LANCL2: variants seen among roughly 807,000 people sequenced by gnomAD.
LANCL2 encodes the protein LanC like glutathione S-transferase 2.
A neutral mutation model predicts 56.9 loss-of-function variants in LANCL2; 33 were observed. The ratio of observed to expected loss-of-function variants is 0.58; its 90% CI spans 0.44 to 0.78. The LOEUF (loss-of-function observed/expected upper bound fraction) is 0.78, where lower values mean the gene tolerates loss of function less well. Ranked by LOEUF, LANCL2 falls within the 30% of genes least tolerant of loss-of-function variation. The pLI, the probability that LANCL2 is intolerant of heterozygous loss-of-function variation, is 0.00. For synonymous variants in LANCL2, 233 were observed against 228.2 expected (o/e 1.02, Z -0.19); for missense variants, 562 against 580.2 (o/e 0.97, Z 0.32).
Position 55,365,607 on chromosome 7 carries a change from T to G in LANCL2, c.-419T>G. 1 of 156,274 alleles carries G rather than the reference T, an allele frequency of 6.4e-6. No homozygotes were observed. The highest frequency in any genetic ancestry group is 1.4e-5 in the Non-Finnish European group (1 of 70,920). The allele number at this position is 156,274 out of a possible 1,614,324, so 9.7% of individuals were successfully genotyped here. On this transcript the variant is annotated 5_prime_UTR_variant, in exon 1 of 9. Coordinates refer to ENST00000254770, the MANE Select transcript of LANCL2 (RefSeq NM_018697.4). ...TGGCCCTAGCGGGCGTTCGGTTTTC[T>G]TTGGAAATCGCGGAGGGGGCTGGCC...
chr7:55,414,321 G>T (rs1271181813), intron 6 of LANCL2, among the ~76,000 whole-genome samples: 1 of 152,152 alleles, frequency 6.6e-6, no homozygotes, highest in East Asian at 1.9e-4. Flanking sequence ...GCTCTACACT[G>T]TTTTCTCTCA....
In LANCL2 at chr7:55,431,541, T is replaced by C. The variant is rs1790727320; in HGVS notation, c.*221T>C. The C allele has an allele frequency of 4.1e-6, 2 of 484,238 alleles. No homozygotes were observed. Among genetic ancestry groups the C allele is most frequent in the Non-Finnish European group, 7.3e-6 (2 of 274,696 alleles). 30.0% of individuals were successfully genotyped at this position (484,238 alleles called of 1,614,324 possible). ...TTCTTCACATACAGATTCTCTGTAGTGTTTGCATGTTTCTTGGTGTTTGTT... is the reference window on the plus strand; with the variant it reads ...TTCTTCACATACAGATTCTCTGTAGCGTTTGCATGTTTCTTGGTGTTTGTT... On this transcript the variant is annotated 3_prime_UTR_variant, in exon 9 of 9. Transcript: ENST00000254770.
intron 1 of LANCL2, among the ~76,000 whole-genome samples, chr7:55,386,480 T>C (rs766116672): frequency 6.6e-6 from 1 of 152,192 alleles, no homozygotes; most frequent in African/African-American, 2.4e-5. Flanking sequence ...GGATTGGTTT[T>C]ACAGAATGGT....
chr7:55,383,251 A>C (rs1790088587), intron 1 of LANCL2, among the ~76,000 whole-genome samples: 1 of 152,212 alleles, frequency 6.6e-6, no homozygotes. Flanking sequence ...GAAGGAAGGA[A>C]GAAGCTCCTC....
intron 2 of LANCL2, among the ~76,000 whole-genome samples, chr7:55,397,410 G>A (rs1000578055): frequency 8.8e-5 from 13 of 146,994 alleles, no homozygotes; most frequent in Non-Finnish European, 1.6e-4. Context: ...GCAGTGAGCC[G>A]AGATCGTGCT....
chr7:55,432,453 A>G lies in LANCL2; in HGVS notation c.*1133A>G, dbSNP rs1318015089. 6.6e-6 allele frequency: 1 copy of G among 152,204 alleles called. No homozygotes were observed. The highest frequency in any genetic ancestry group is 1.5e-5 in the Non-Finnish European group (1 of 68,028). 9.4% of individuals were successfully genotyped at this position (152,204 alleles called of 1,614,324 possible). ...TTTATTTGAAAAAATGTGAGCAGTA[A>G]TTTGGGTTAGCCTACCTTCATTAAT... On this transcript the variant is annotated 3_prime_UTR_variant, in exon 9 of 9. Coordinates refer to ENST00000254770, the MANE Select transcript of LANCL2 (RefSeq NM_018697.4).
At chr7:55,388,594 C>T (rs6593245) in intron 1 of LANCL2, among the ~76,000 whole-genome samples, 1 of 152,016 alleles carries the variant, frequency 6.6e-6, no homozygotes, top group Non-Finnish European at 1.5e-5. Flanking sequence ...ACTTGTGAAC[C>T]ATCCAGCCAT....
chr7:55,372,316 A>G (rs913235758), intron 1 of LANCL2, among the ~76,000 whole-genome samples: 3 of 152,188 alleles, frequency 2.0e-5, no homozygotes, highest in African/African-American at 4.8e-5. Context: ...AACAGTTTTA[A>G]TAGTCTTGTG....
chr7:55,420,085 A>T (rs946822161), intron 6 of LANCL2, among the ~76,000 whole-genome samples: 5 of 147,572 alleles, frequency 3.4e-5, no homozygotes, highest in East Asian at 1.9e-4. Flanking sequence ...AAAAAATAAA[A>T]AATAAATAAA....
At chr7:55,399,207 A>C (rs1487169043) in intron 3 of LANCL2, among the ~76,000 whole-genome samples, 4 of 151,866 alleles carry the variant, frequency 2.6e-5, no homozygotes, top group Non-Finnish European at 5.9e-5. Context: ...CAGGAGTTCA[A>C]GGCTGCGGTG....
At chr7:55,409,058 T>C (rs1200543983) in intron 5 of LANCL2, among the ~76,000 whole-genome samples, 4 of 151,818 alleles carry the variant, frequency 2.6e-5, no homozygotes, top group African/African-American at 9.7e-5. Flanking sequence ...AACAGTTTCA[T>C]TGAAGCTAAA....
At chr7:55,369,970 C>CT (rs1265605042) in intron 1 of LANCL2, among the ~76,000 whole-genome samples, 1 of 152,182 alleles carries the variant, frequency 6.6e-6, no homozygotes, top group African/African-American at 2.4e-5. Flanking sequence ...CACTTAGCAT[C>CT]TTTATAAACA....
chr7:55,425,504 C>A, intron 7 of LANCL2, 74 bp downstream of exon 7: 1 of 1,347,310 alleles, frequency 7.4e-7, no homozygotes, highest in Non-Finnish European at 1.0e-6. Flanking sequence ...AGAAGTACAA[C>A]TCCTGTTCCT....
intron 2 of LANCL2, among the ~76,000 whole-genome samples, chr7:55,396,599 G>A (rs760532717): frequency 1.3e-5 from 2 of 152,214 alleles, no homozygotes; most frequent in South Asian, 2.1e-4. Context: ...GCTCACAGGC[G>A]CGTGCTCCCC....
At chr7:55,389,019 G>C (rs1790156935) in intron 1 of LANCL2, among the ~76,000 whole-genome samples, 1 of 152,226 alleles carries the variant, frequency 6.6e-6, no homozygotes, top group Non-Finnish European at 1.5e-5. Context: ...GAGCCTGCCT[G>C]TGCTTCTTGT....
intron 7 of LANCL2, 64 bp downstream of exon 7, chr7:55,425,494 A>G (rs1790655154): frequency 6.8e-7 from 1 of 1,465,420 alleles, no homozygotes; most frequent in Non-Finnish European, 9.5e-7. Flanking sequence ...TCCAGAGTCC[A>G]GAAGTACAAC....
intron 7 of LANCL2, chr7:55,427,975 G>A: frequency 5.8e-6 from 1 of 173,730 alleles, no homozygotes; most frequent in Admixed American, 5.7e-5. Flanking sequence ...TTTCCCAGCT[G>A]GGGCCAGGGG....
chr7:55,365,669 G>C lies in LANCL2; in HGVS notation c.-357G>C, dbSNP rs1789849459. 5.3e-6 allele frequency: 1 copy of C among 189,262 alleles called. No individual in the cohort carries two copies. The highest frequency in any genetic ancestry group is 2.3e-5 in the African/African-American group (1 of 42,994). 11.7% of individuals were successfully genotyped at this position (189,262 alleles called of 1,614,324 possible). A position where few individuals can be genotyped will look rare whatever the true frequency, so the allele number is the denominator to read the frequency against. ...TCCCCACCCCGGGACTCCAGCCCCG[G>C]CCGTGCGCGTCGCCGCGGACGGGCT... On this transcript the variant is annotated 5_prime_UTR_variant, in exon 1 of 9. Coordinates refer to ENST00000254770, the MANE Select transcript of LANCL2 (RefSeq NM_018697.4).
intron 1 of LANCL2, among the ~76,000 whole-genome samples, chr7:55,369,396 G>A (rs1789912045): frequency 6.6e-6 from 1 of 152,170 alleles, no homozygotes; most frequent in South Asian, 2.1e-4. Flanking sequence ...GCCTAGGTAT[G>A]TGGTGTGATC....
Sources: gnomAD v4.1 joint callset for allele counts (sites outside exome capture counted in the v4.1 genomes callset) on GRCh38, gnomAD v4.1.1 for gene constraint, MANE v1.5 for transcripts, NCBI Gene and HGNC (gene_info 2026-07-23, HGNC 2026-07-21) for gene names.